TENM2: variants seen among roughly 807,000 people sequenced by gnomAD.
The protein encoded by TENM2 is teneurin transmembrane protein 2, also known as teneurin-2.
A neutral mutation model predicts 245.2 loss-of-function variants in TENM2; 52 were observed. The ratio of observed to expected loss-of-function variants is 0.21; its 90% CI spans 0.17 to 0.27. The LOEUF is 0.27. Among genes scored for constraint, TENM2 ranks in the 10% least tolerant of loss-of-function variants. The pLI, the probability that TENM2 is intolerant of heterozygous loss-of-function variation, is 1.00. For synonymous variants in TENM2, 1,363 were observed against 1,438.9 expected (o/e 0.95, Z 1.19); for missense variants, 3,046 against 3,666.8 (o/e 0.83, Z 4.37).
the TENM2 span, among the ~76,000 whole-genome samples, chr5:167,010,622 G>T: frequency 6.6e-6 from 1 of 152,156 alleles, no homozygotes; most frequent in African/African-American, 2.4e-5. Flanking sequence ...ACGTTATGAT[G>T]ATTTAGATAA....
At chr5:167,827,628 C>CAGG (rs71593149) in intron 2 of TENM2, among the ~76,000 whole-genome samples, 1 of 34,244 alleles carries the variant, frequency 2.9e-5, no homozygotes, top group South Asian at 1.4e-3. Flanking sequence ...GCTAGGTGGG[C>CAGG]GGGGGGGGGG....
At chr5:167,329,698 A>G (rs1757320168) in intron 1 of TENM2, among the ~76,000 whole-genome samples, 1 of 151,926 alleles carries the variant, frequency 6.6e-6, no homozygotes, top group African/African-American at 2.4e-5. Flanking sequence ...TATTGAATTG[A>G]TCCAGCTATG....
chr5:167,645,256 A>G (rs564802871), intron 2 of TENM2, among the ~76,000 whole-genome samples: 16 of 152,320 alleles, frequency 1.1e-4, no homozygotes, highest in African/African-American at 3.6e-4. Flanking sequence ...TCTCGAGCAC[A>G]ATCAAATTTT....
intron 2 of TENM2, among the ~76,000 whole-genome samples, chr5:167,608,907 G>C (rs921002307): frequency 6.6e-6 from 1 of 152,126 alleles, no homozygotes; most frequent in Non-Finnish European, 1.5e-5. Context: ...TTTAGTGACT[G>C]CTGTCATTTC....
At chr5:166,987,154 G>A in the TENM2 span, among the ~76,000 whole-genome samples, 1 of 152,126 alleles carries the variant, frequency 6.6e-6, no homozygotes, top group African/African-American at 2.4e-5. Flanking sequence ...CATAGATTGT[G>A]AAGTCTATTC....
chr5:168,094,671 G>A (rs1342131936), intron 8 of TENM2, among the ~76,000 whole-genome samples: 1 of 151,546 alleles, frequency 6.6e-6, no homozygotes, highest in African/African-American at 2.4e-5. Flanking sequence ...CCCATCTGGG[G>A]GTCATGGGGG....
chr5:167,193,368 G>A, the TENM2 span, among the ~76,000 whole-genome samples: 1 of 151,896 alleles, frequency 6.6e-6, no homozygotes, highest in Admixed American at 6.6e-5. Flanking sequence ...ATATGCACTG[G>A]GGAAACTTAG....
At chr5:167,246,621 C>A in the TENM2 span, among the ~76,000 whole-genome samples, 1 of 151,964 alleles carries the variant, frequency 6.6e-6, no homozygotes, top group Admixed American at 6.6e-5. Flanking sequence ...CTAACCGTAT[C>A]CTCAAATTCT....
chr5:167,103,992 G>A, the TENM2 span, among the ~76,000 whole-genome samples: 249 of 152,110 alleles, frequency 1.6e-3, 2 homozygotes, highest in African/African-American at 5.7e-3. Context: ...TGGCAAACTT[G>A]TGTTTGGTCT....
chr5:167,695,199 G>GCTA (rs1757681696), intron 2 of TENM2, among the ~76,000 whole-genome samples: 1 of 152,152 alleles, frequency 6.6e-6, no homozygotes, highest in Non-Finnish European at 1.5e-5. Flanking sequence ...ACATAATGAG[G>GCTA]GGTAGGCAAA....
At chr5:167,144,265 G>C in the TENM2 span, among the ~76,000 whole-genome samples, 2 of 152,140 alleles carry the variant, frequency 1.3e-5, no homozygotes, top group East Asian at 3.9e-4. Context: ...GCATGGGATT[G>C]TACTCTTCTG....
intron 4 of TENM2, among the ~76,000 whole-genome samples, chr5:167,974,765 C>T (rs911663808): frequency 7.9e-5 from 12 of 152,184 alleles, no homozygotes; most frequent in South Asian, 4.1e-4. Context: ...TATTAACCAT[C>T]GCCCCATCCA....
chr5:167,953,978 A>T (rs111677561), intron 4 of TENM2, among the ~76,000 whole-genome samples: 1,649 of 152,268 alleles, frequency 0.011, 35 homozygotes, highest in African/African-American at 0.038. Flanking sequence ...TAGGATTTTT[A>T]AAGAATTTTT....
intron 12 of TENM2, among the ~76,000 whole-genome samples, chr5:168,139,133 C>A (rs1215445341): frequency 6.6e-6 from 1 of 152,138 alleles, no homozygotes; most frequent in Non-Finnish European, 1.5e-5. Context: ...AATTCATTTG[C>A]AACACAATGT....
chr5:168,219,133 C>G, intron 23 of TENM2, 134 bp downstream of exon 25: 1 of 839,174 alleles, frequency 1.2e-6, no homozygotes, highest in South Asian at 1.8e-5. Flanking sequence ...CTTATGGCCT[C>G]AAGACATTCA....
chr5:167,301,674 G>A (rs889939072), intron 1 of TENM2, among the ~76,000 whole-genome samples: 2 of 152,148 alleles, frequency 1.3e-5, no homozygotes, highest in Admixed American at 1.3e-4. Flanking sequence ...GGGCTGTAAA[G>A]CGTCTCAGGG....
Position 167,321,800 on chromosome 5 carries a change from T to TTTTTTG in TENM2, c.226+36738_226+36739insTTTTGT, listed in dbSNP as rs1467480814. On this transcript the variant is annotated intron_variant, in intron 1 of 28. Coordinates refer to ENST00000518659, the Ensembl canonical transcript of TENM2. ...GCCTTGGCTTATTTTTTTTTTTTTT[T>TTTTTTG]TGGGGGGGGGGGCGGGGGGGGGGGT... Among the ~76,000 whole-genome samples, 3 of 12,144 alleles carry TTTTTTG rather than the reference T, an allele frequency of 2.5e-4. 1 individual carries two copies. Among genetic ancestry groups the TTTTTTG allele is most frequent in the African/African-American group, 9.7e-4 (3 of 3,080 alleles). The allele number at this position is 12,144 out of a possible 152,430, so 8.0% of individuals were successfully genotyped here.
At chr5:167,126,513 TC>T in the TENM2 span, among the ~76,000 whole-genome samples, 2 of 152,118 alleles carry the variant, frequency 1.3e-5, no homozygotes, top group Non-Finnish European at 2.9e-5. Context: ...GGCATGTATT[TC>T]CCCGATTCTA....
At chr5:168,157,268 G>A (rs1757265913) in intron 12 of TENM2, among the ~76,000 whole-genome samples, 1 of 152,266 alleles carries the variant, frequency 6.6e-6, no homozygotes, top group East Asian at 1.9e-4. Flanking sequence ...TCTAACCAAA[G>A]CCTAAAGTGA....
Sources: gnomAD v4.1 joint callset for allele counts (sites outside exome capture counted in the v4.1 genomes callset) on GRCh38, gnomAD v4.1.1 for gene constraint, MANE v1.5 for transcripts, NCBI Gene and HGNC (gene_info 2026-07-23, HGNC 2026-07-21) for gene names.